Variants in FYN observed in about 807,000 individuals in gnomAD.
FYN encodes the protein tyrosine-protein kinase Fyn.
Under a neutral mutation model 70.2 loss-of-function variants are expected in FYN, and 10 were observed. That is an observed-to-expected ratio of 0.14 (90% CI 0.09 to 0.24). The LOEUF is 0.24. Among genes scored for constraint, FYN ranks in the 10% least tolerant of loss-of-function variants. FYN has a pLI of 1.00. For synonymous variants in FYN, 236 were observed against 248.6 expected (o/e 0.95, Z 0.48); for missense variants, 319 against 673.1 (o/e 0.47, Z 5.82).
rs755294578 is a variant in FYN, at chr6:111,688,852, C to T, written c.1273+5523G>A. ...TGAGGACAGTGGATGTGTGACTCCC[C>T]GCTGTGTCCGGGGTGAGGGGGCCCT... On this transcript the variant is annotated intron_variant, in intron 12 of 13. Transcript: ENST00000354650. Among the ~76,000 whole-genome samples, 20 of 152,218 alleles carry T rather than the reference C, an allele frequency of 1.3e-4. No homozygotes were observed. In the East Asian group the frequency reaches 1.7e-3, roughly 13 times the overall value.
chr6:111,859,675 C>T (rs889656416), intron 1 of FYN, among the ~76,000 whole-genome samples: 1 of 152,114 alleles, frequency 6.6e-6, no homozygotes, highest in African/African-American at 2.4e-5. Context: ...AGCAGGCATG[C>T]GATCTTGTTT....
At chr6:111,687,595 G>GGGGT (rs201822911) in intron 12 of FYN, among the ~76,000 whole-genome samples, 32,167 of 132,382 alleles carry the variant, frequency 0.24, 5,658 homozygotes, top group African/African-American at 0.49. Flanking sequence ...AACCCAAAGT[G>GGGGT]GGGTGGGTGG....
chr6:111,717,653 G>A (rs1322800350), intron 4 of FYN, among the ~76,000 whole-genome samples: 3 of 152,068 alleles, frequency 2.0e-5, no homozygotes, highest in Admixed American at 1.3e-4. Flanking sequence ...TAGTAGAGAC[G>A]GGGTTTCGCC....
intron 2 of FYN, among the ~76,000 whole-genome samples, chr6:111,806,677 C>A (rs907743917): frequency 6.7e-4 from 102 of 152,304 alleles, no homozygotes; most frequent in African/African-American, 2.4e-3. Context: ...TAAATTATTA[C>A]CAACTGGGGA....
At chr6:111,813,054 G>C (rs921581348) in intron 2 of FYN, among the ~76,000 whole-genome samples, 39 of 152,164 alleles carry the variant, frequency 2.6e-4, no homozygotes, top group African/African-American at 9.4e-4. Context: ...TATTGAATGA[G>C]CATTTACTAT....
At chr6:111,837,856 C>A (rs555270718) in intron 2 of FYN, among the ~76,000 whole-genome samples, 2 of 152,206 alleles carry the variant, frequency 1.3e-5, no homozygotes, top group Non-Finnish European at 2.9e-5. Flanking sequence ...TTTCTCATGG[C>A]AGCCTTATCT....
chr6:111,758,187 G>A (rs1018275638), intron 3 of FYN, among the ~76,000 whole-genome samples: 1 of 152,198 alleles, frequency 6.6e-6, no homozygotes, highest in African/African-American at 2.4e-5. Flanking sequence ...TAATGGAATA[G>A]TATATAGCAC....
At chr6:111,762,734 C>T (rs1306088494) in intron 3 of FYN, among the ~76,000 whole-genome samples, 1 of 151,962 alleles carries the variant, frequency 6.6e-6, no homozygotes, top group African/African-American at 2.4e-5. Context: ...CTTCCCTGGG[C>T]CACACTGGAA....
intron 3 of FYN, among the ~76,000 whole-genome samples, chr6:111,739,906 C>T (rs1801880430): frequency 6.6e-6 from 1 of 152,216 alleles, no homozygotes; most frequent in South Asian, 2.1e-4. Flanking sequence ...TCACGGCAAC[C>T]TCTGTCTCCT....
At chr6:111,822,273 A>G (rs1772688799) in intron 2 of FYN, among the ~76,000 whole-genome samples, 1 of 152,240 alleles carries the variant, frequency 6.6e-6, no homozygotes, top group South Asian at 2.1e-4. Flanking sequence ...AATGTGGCAC[A>G]TATACACCAT....
intron 5 of FYN, 51 bp downstream of exon 5, chr6:111,714,296 C>T (rs893527647): frequency 8.3e-7 from 1 of 1,210,882 alleles, no homozygotes; most frequent in Non-Finnish European, 1.2e-6. Flanking sequence ...AATGCAAGAC[C>T]CCTTCCCAAC....
At chr6:111,806,510 C>A (rs534350459) in intron 2 of FYN, among the ~76,000 whole-genome samples, 7 of 152,164 alleles carry the variant, frequency 4.6e-5, no homozygotes, top group Non-Finnish European at 1.0e-4. Context: ...ACCAAACCAC[C>A]AAAAGGAAAA....
At chr6:111,821,398 T>C (rs1373253700) in intron 2 of FYN, among the ~76,000 whole-genome samples, 1 of 152,188 alleles carries the variant, frequency 6.6e-6, no homozygotes, top group Non-Finnish European at 1.5e-5. Flanking sequence ...ATTCCCTATT[T>C]AATAAATGGT....
chr6:111,783,366 G>A (rs1261750726), intron 2 of FYN, among the ~76,000 whole-genome samples: 1 of 151,898 alleles, frequency 6.6e-6, no homozygotes, highest in African/African-American at 2.4e-5. Flanking sequence ...TCCACTCACA[G>A]AACAAAGGCT....
At chr6:111,712,594 T>A (rs1050681579) in intron 5 of FYN, among the ~76,000 whole-genome samples, 1 of 152,206 alleles carries the variant, frequency 6.6e-6, no homozygotes, top group African/African-American at 2.4e-5. Context: ...AGTTTCCTAA[T>A]CTGGGCCTCT....
chr6:111,674,392 CAGAA>C, intron 13 of FYN, 103 bp downstream of exon 13: 1 of 1,271,794 alleles, frequency 7.9e-7, no homozygotes, highest in Non-Finnish European at 1.1e-6. Flanking sequence ...TCAAGCTCAG[CAGAA>C]AGCTGAGGAT....
intron 3 of FYN, among the ~76,000 whole-genome samples, chr6:111,778,548 T>A (rs1771039848): frequency 6.6e-6 from 1 of 152,088 alleles, no homozygotes; most frequent in Non-Finnish European, 1.5e-5. Flanking sequence ...ACTTTCTTTT[T>A]TTCTTTTTTC....
intron 12 of FYN, among the ~76,000 whole-genome samples, chr6:111,690,576 C>G (rs773804977): frequency 6.6e-6 from 1 of 152,156 alleles, no homozygotes; most frequent in Non-Finnish European, 1.5e-5. Flanking sequence ...TTCCATGTAT[C>G]TACAATCCAT....
At chr6:111,731,882 T>C (rs757393872) in intron 3 of FYN, among the ~76,000 whole-genome samples, 10 of 152,224 alleles carry the variant, frequency 6.6e-5, no homozygotes, top group Non-Finnish European at 1.3e-4. Context: ...GTCGTGCGTG[T>C]CTCAGTAAAG....
Sources: gnomAD v4.1 joint callset for allele counts (sites outside exome capture counted in the v4.1 genomes callset) on GRCh38, gnomAD v4.1.1 for gene constraint, MANE v1.5 for transcripts, NCBI Gene and HGNC (gene_info 2026-07-23, HGNC 2026-07-21) for gene names.